The following DCC variants were observed in gnomAD, a reference collection of about 807,000 sequenced individuals.
The protein encoded by DCC is netrin receptor DCC.
DCC carries 58 observed loss-of-function variants against 172.5 expected under a neutral mutation model. That is an observed-to-expected ratio of 0.34 (90% confidence interval 0.27 to 0.42). The LOEUF (loss-of-function observed/expected upper bound fraction) is 0.42, where lower values mean the gene tolerates loss of function less well. Ranked by LOEUF, DCC falls within the 10% of genes least tolerant of loss-of-function variation. The pLI is 1.00. For missense variants in DCC, 1,740 were observed against 1,791.0 expected (o/e 0.97, Z 0.51); for synonymous variants, 709 against 644.5 (o/e 1.10, Z -1.52).
At chr18:52,616,666 A>C (rs771150691) in intron 1 of DCC, among the ~76,000 whole-genome samples, 8 of 152,194 alleles carry the variant, frequency 5.3e-5, no homozygotes, top group Non-Finnish European at 8.8e-5. Flanking sequence ...TCATCCCTGA[A>C]GGAGTTTATA....
chr18:53,257,209 TC>T (rs1428734387), intron 12 of DCC, among the ~76,000 whole-genome samples: 2 of 152,140 alleles, frequency 1.3e-5, no homozygotes, highest in Admixed American at 1.3e-4. Context: ...TTTATTTCCT[TC>T]TCCTGCCTGA....
intron 1 of DCC, among the ~76,000 whole-genome samples, chr18:52,522,560 T>G (rs1301642095): frequency 6.6e-6 from 1 of 152,250 alleles, no homozygotes; most frequent in Non-Finnish European, 1.5e-5. Flanking sequence ...CGTTATTTAC[T>G]TATATCAAAA....
chr18:52,433,609 C>T (rs1987695945), intron 1 of DCC, among the ~76,000 whole-genome samples: 1 of 151,404 alleles, frequency 6.6e-6, no homozygotes, highest in Non-Finnish European at 1.5e-5. Context: ...CTAACACTTA[C>T]ATTAGAAGTA....
chr18:53,035,626 G>T (rs2143975996), intron 5 of DCC, among the ~76,000 whole-genome samples: 1 of 152,194 alleles, frequency 6.6e-6, no homozygotes, highest in South Asian at 2.1e-4. Context: ...CTTGCTTAAA[G>T]AGGAACATTA....
intron 2 of DCC, among the ~76,000 whole-genome samples, chr18:52,899,699 G>C (rs547004631): frequency 6.6e-6 from 1 of 150,968 alleles, no homozygotes; most frequent in African/African-American, 2.4e-5. Flanking sequence ...TCTCTCTATC[G>C]TGACCAAGTT....
intron 2 of DCC, among the ~76,000 whole-genome samples, chr18:52,774,526 C>G (rs781079464): frequency 6.6e-6 from 1 of 152,246 alleles, no homozygotes; most frequent in African/African-American, 2.4e-5. Flanking sequence ...GAAGCAGCAT[C>G]TTCTTAAAAA....
intron 1 of DCC, among the ~76,000 whole-genome samples, chr18:52,474,020 T>C (rs548433257): frequency 6.6e-6 from 1 of 151,990 alleles, no homozygotes; most frequent in African/African-American, 2.4e-5. Context: ...CCAGGCAAAC[T>C]TTAAAAAAAA....
At chr18:52,820,022 C>G (rs928796258) in intron 2 of DCC, among the ~76,000 whole-genome samples, 8 of 152,078 alleles carry the variant, frequency 5.3e-5, no homozygotes, top group African/African-American at 1.9e-4. Flanking sequence ...GCCCAGCCAA[C>G]TTGTGAACTT....
chr18:53,198,785 T>C (rs2055489647), intron 9 of DCC, among the ~76,000 whole-genome samples: 1 of 152,184 alleles, frequency 6.6e-6, no homozygotes, highest in Non-Finnish European at 1.5e-5. Context: ...TAGGCTGACA[T>C]TGATTGATGA....
chr18:52,855,592 C>G (rs1024374522), intron 2 of DCC, among the ~76,000 whole-genome samples: 3 of 152,058 alleles, frequency 2.0e-5, no homozygotes, highest in African/African-American at 7.2e-5. Flanking sequence ...TGCTCATGAT[C>G]CACTCTAGCT....
intron 1 of DCC, among the ~76,000 whole-genome samples, chr18:52,565,227 A>C (rs577469922): frequency 4.6e-5 from 7 of 152,294 alleles, no homozygotes; most frequent in African/African-American, 1.7e-4. Context: ...CATTTTCTTT[A>C]TCCAGTCTAT....
At position 53,439,144 on chromosome 18, in the gene DCC, C is replaced by T. The variant is rs145334685; in HGVS notation, c.3229+3935C>T. On this transcript the variant is annotated intron_variant, in intron 22 of 28. Transcript: ENST00000442544. ...GGTAGAGGCCAAACTTTATCTGCTTCCTATTCTATTTTGCTAGCAAATAAA... is the reference window on the plus strand; with the variant it reads ...GGTAGAGGCCAAACTTTATCTGCTTTCTATTCTATTTTGCTAGCAAATAAA... Among the ~76,000 whole-genome samples the T allele has an allele frequency of 7.2e-3, 1,100 of 152,288 alleles. 4 individuals are homozygous for T. Among genetic ancestry groups the T allele is most frequent in the Middle Eastern group, 0.02 (6 of 294 alleles).
intron 12 of DCC, among the ~76,000 whole-genome samples, chr18:53,270,171 C>T (rs1490954028): frequency 1.3e-5 from 2 of 152,004 alleles, no homozygotes; most frequent in Non-Finnish European, 2.9e-5. Context: ...TTTATTTTTC[C>T]ATCCATATTT....
intron 1 of DCC, among the ~76,000 whole-genome samples, chr18:52,739,139 A>T (rs1199481068): frequency 1.3e-5 from 2 of 152,072 alleles, no homozygotes; most frequent in Non-Finnish European, 2.9e-5. Context: ...GGCAATAGGA[A>T]TTTTTCAGCT....
At chr18:52,902,529 G>C (rs2039824874) in intron 2 of DCC, among the ~76,000 whole-genome samples, 1 of 152,052 alleles carries the variant, frequency 6.6e-6, no homozygotes, top group African/African-American at 2.4e-5. Context: ...GATGAAGCTT[G>C]GGAATCATTT....
chr18:53,529,208 CATACATTA>C (rs964630870), intron 28 of DCC, among the ~76,000 whole-genome samples: 1 of 152,128 alleles, frequency 6.6e-6, no homozygotes, highest in African/African-American at 2.4e-5. Flanking sequence ...ATAGGAAGCT[CATACATTA>C]ATACCATACA....
intron 9 of DCC, among the ~76,000 whole-genome samples, chr18:53,180,975 T>G (rs2144486076): frequency 6.6e-6 from 1 of 152,324 alleles, no homozygotes; most frequent in Non-Finnish European, 1.5e-5. Context: ...GTAAAATCAA[T>G]AACTTTTATG....
Position 52,927,106 on chromosome 18 carries a change from CACGTATATACGTGTATATACACGTAT to C in DCC, c.985+1738_985+1763del, listed in dbSNP as rs2040223237. Among the ~76,000 whole-genome samples, 2 of 42,170 alleles carry C rather than the reference CACGTATATACGTGTATATACACGTAT, an allele frequency of 4.7e-5. 1 individual carries two copies. Among genetic ancestry groups the C allele is most frequent in the African/African-American group, 1.7e-4 (2 of 11,578 alleles). The allele number at this position is 42,170 out of a possible 152,430, so 27.7% of individuals were successfully genotyped here. ...ATATACACGTATATACGTGTATATA[CACGTATATACGTGTATATACACGTAT>C]ATACGTGTATATATGTGTATATATA... On this transcript the variant is annotated intron_variant, in intron 5 of 28. Transcript: ENST00000442544.
intron 1 of DCC, among the ~76,000 whole-genome samples, chr18:52,464,132 T>G (rs962599499): frequency 2.0e-5 from 3 of 152,254 alleles, no homozygotes; most frequent in Admixed American, 1.3e-4. Context: ...AAGGATGTTC[T>G]ATTTATTTCC....
Sources: allele counts gnomAD v4.1 joint callset (sites outside exome capture counted in the v4.1 genomes callset), GRCh38; gene constraint gnomAD v4.1.1; transcripts MANE v1.5; gene names NCBI Gene and HGNC (gene_info 2026-07-23, HGNC 2026-07-21).